The following BIN3 variants were observed in gnomAD, a reference collection of about 807,000 sequenced individuals.
BIN3 encodes the protein bridging integrator 3.
Under a neutral mutation model 38.2 loss-of-function variants are expected in BIN3, and 41 were observed. The ratio of observed to expected loss-of-function variants is 1.07; its 90% CI spans 0.84 to 1.39. The LOEUF (loss-of-function observed/expected upper bound fraction) is 1.39, where lower values mean the gene tolerates loss of function less well. Among genes scored for constraint, BIN3 ranks in the 40% most tolerant of loss-of-function variants. BIN3 has a pLI of 0.00. For missense variants in BIN3, 361 were observed against 324.3 expected, an observed-to-expected ratio of 1.11 and a Z score of -0.87; for synonymous variants, 145 against 122.6, an observed-to-expected ratio of 1.18 and a Z score of -1.21.
intron 1 of BIN3, among the ~76,000 whole-genome samples, chr8:22,657,674 A>G (rs1803099193): frequency 6.6e-6 from 1 of 152,248 alleles, no homozygotes; most frequent in South Asian, 2.1e-4. Context: ...CCCTGCGATG[A>G]AATGGAGTAT....
intron 1 of BIN3, among the ~76,000 whole-genome samples, chr8:22,656,562 T>C (rs972775077): frequency 1.6e-4 from 24 of 152,224 alleles, no homozygotes; most frequent in Non-Finnish European, 2.9e-5. Context: ...TTTACACCTA[T>C]TTATTGCCTT....
intron 4 of BIN3, chr8:22,634,456 T>G (rs1802304430): frequency 2.2e-6 from 1 of 456,190 alleles, no homozygotes; most frequent in Non-Finnish European, 4.4e-6. Flanking sequence ...GAAGGAACGC[T>G]TTCCTTTTGT....
intron 1 of BIN3, among the ~76,000 whole-genome samples, chr8:22,649,850 C>CACACATACACACACACACACACAT (rs1554571391): frequency 8.3e-6 from 1 of 120,552 alleles, no homozygotes; most frequent in Non-Finnish European, 1.8e-5. Flanking sequence ...CACACACACA[C>CACACATACACACACACACACACAT]ACACACACCC....
At position 22,624,014 on chromosome 8, in the gene BIN3, A is replaced by G; in HGVS notation, c.516T>C (p.Phe172=). Residue 172 remains phenylalanine, a synonymous_variant, in exon 8 of 9, where the codon TTT becomes TTC. Coordinates refer to ENST00000276416, the MANE Select transcript of BIN3 (RefSeq NM_018688.6). The part of the protein sequence containing the change: ...REELRPVRED[F]EAKNRQLLEE... The stretch of plus-strand genomic sequence containing the variant: ...CCAGCAGCTGCCTGTTCTTGGCTTC[A>G]AAGTCCTCCCGCACAGGCCGCAGCT... 5 of 1,613,248 alleles carry G rather than the reference A, an allele frequency of 3.1e-6. No individual in the cohort carries two copies. The highest frequency in any genetic ancestry group is 4.2e-6 in the Non-Finnish European group (5 of 1,179,824).
In BIN3 at chr8:22,669,095, C is replaced by T. The variant is rs991226433; in HGVS notation, c.-44G>A. 8.2e-6 allele frequency: 13 copies of T among 1,582,568 alleles called. No individual in the cohort carries two copies. The highest frequency in any genetic ancestry group is 3.5e-5 in the South Asian group (3 of 86,626). On this transcript the variant is annotated 5_prime_UTR_variant, in exon 1 of 9. Transcript: ENST00000276416. ...GCCGCCGGGGTCCTCAGCCACAACT[C>T]GTTTCTCTAGGGTCACTTCCGGATT...
At chr8:22,656,369 G>A (rs1803058013) in intron 1 of BIN3, among the ~76,000 whole-genome samples, 1 of 151,530 alleles carries the variant, frequency 6.6e-6, no homozygotes, top group South Asian at 2.1e-4. Context: ...ACTGTAAATG[G>A]GATTCTCTGT....
chr8:22,636,698 G>A (rs752393722), intron 3 of BIN3, 112 bp from the exon 4 acceptor site: 243 of 1,223,046 alleles, frequency 2.0e-4, no homozygotes, highest in Admixed American at 3.2e-4. Flanking sequence ...TCTTCTCCAC[G>A]GGGACTTTTC....
At chr8:22,627,285 G>A (rs1053835648) in intron 6 of BIN3, among the ~76,000 whole-genome samples, 2 of 152,184 alleles carry the variant, frequency 1.3e-5, no homozygotes, top group African/African-American at 4.8e-5. Flanking sequence ...AGGGCAGGGC[G>A]CAGCTTGTGC....
rs943636671 is a variant in BIN3 at position 22,667,500 on chromosome 8, T to G, written c.8+1544A>C. On this transcript the variant is annotated intron_variant, in intron 1 of 8. Transcript: ENST00000276416. ...ACTTTGAAAAATTAGGTAAGAACAC[T>G]CCAAAGATTCAAGACGCAGCAGCCA... is the stretch of plus-strand genomic sequence containing the variant. Among the ~76,000 whole-genome samples, 3 of 152,144 alleles carry G rather than the reference T, an allele frequency of 2.0e-5. No homozygotes were observed. The South Asian group carries it at 6.2e-4, about 31-fold the overall frequency.
chr8:22,643,459 T>G (rs946202309), intron 2 of BIN3, among the ~76,000 whole-genome samples: 54 of 152,302 alleles, frequency 3.5e-4, no homozygotes, highest in African/African-American at 1.3e-3. Context: ...GCCTCCCAAG[T>G]AGCTGGGACT....
intron 6 of BIN3, among the ~76,000 whole-genome samples, chr8:22,627,265 C>G (rs1294081374): frequency 6.6e-6 from 1 of 152,172 alleles, no homozygotes; most frequent in African/African-American, 2.4e-5. Flanking sequence ...AGTGGGAACT[C>G]ACATCAGTCA....
intron 1 of BIN3, among the ~76,000 whole-genome samples, chr8:22,662,681 G>T (rs538142757): frequency 6.6e-6 from 1 of 152,214 alleles, no homozygotes; most frequent in East Asian, 1.9e-4. Flanking sequence ...TCAAACTTGA[G>T]GTCTTTGCAG....
chr8:22,625,170 G>C, intron 6 of BIN3: 1 of 618,806 alleles, frequency 1.6e-6, no homozygotes. Context: ...AGTGGACGAT[G>C]CAACGCTGCA....
At chr8:22,665,016 C>T (rs1803368885) in intron 1 of BIN3, among the ~76,000 whole-genome samples, 1 of 152,218 alleles carries the variant, frequency 6.6e-6, no homozygotes, top group South Asian at 2.1e-4. Flanking sequence ...GATGAAGAAG[C>T]TCTATGTCGC....
At chr8:22,645,895 T>C (rs1464703159) in intron 1 of BIN3, among the ~76,000 whole-genome samples, 1 of 152,136 alleles carries the variant, frequency 6.6e-6, no homozygotes, top group African/African-American at 2.4e-5. Flanking sequence ...AGCTGCTAAC[T>C]TGGAAAATAA....
In BIN3 at chr8:22,621,428, A is replaced by T. The variant is rs750509864; in HGVS notation, c.756T>A (p.Asp252Glu). 2.5e-6 allele frequency: 4 copies of T among 1,612,960 alleles called. No individual in the cohort carries two copies. Among genetic ancestry groups the T allele is most frequent in the Non-Finnish European group, 3.4e-6 (4 of 1,179,564 alleles). ...CTCCAAGAGTGACGGGGATTCAGTC[A>T]TCGGCCACAATGGAGAGGGCCCGGA... The part of the protein sequence containing the change: ...SELRALSIVA[D>E]D Residue 252 changes from aspartate to glutamate, a missense_variant, in exon 9 of 9, where the codon GAT (aspartate) becomes GAA (glutamate). Transcript: ENST00000276416.
intron 1 of BIN3, among the ~76,000 whole-genome samples, chr8:22,655,586 T>C (rs1803031247): frequency 6.6e-6 from 1 of 152,198 alleles, no homozygotes; most frequent in South Asian, 2.1e-4. Context: ...ATTGTCCATA[T>C]ATGTAAGGGT....
chr8:22,663,812 C>T (rs1478100231), intron 1 of BIN3, among the ~76,000 whole-genome samples: 7 of 152,168 alleles, frequency 4.6e-5, no homozygotes, highest in Admixed American at 4.6e-4. Flanking sequence ...CTGGATCCTT[C>T]TCTCCCTCCC....
In BIN3 at chr8:22,648,015, G is replaced by C. The variant is rs1267493410; in HGVS notation, c.9-3212C>G. Among the ~76,000 whole-genome samples the C allele has an allele frequency of 4.6e-5, 7 of 151,690 alleles. No individual in the cohort carries two copies. In the South Asian group the frequency reaches 1.3e-3, roughly 27 times the overall value. ...CTGGGCATGGTGGCGGGCACCTGTA[G>C]TCCCAGCTACTCAGGAGGCTGAGGC... On this transcript the variant is annotated intron_variant, in intron 1 of 8. Transcript: ENST00000276416.
Sources: allele counts gnomAD v4.1 joint callset (sites outside exome capture counted in the v4.1 genomes callset), GRCh38; gene constraint gnomAD v4.1.1; transcripts MANE v1.5; gene names NCBI Gene and HGNC (gene_info 2026-07-23, HGNC 2026-07-21).